Variants in SLC25A48 observed in about 807,000 individuals in gnomAD.
SLC25A48 encodes solute carrier family 25 member 48, also known as CTC-321K16.1.
SLC25A48 carries 29 observed loss-of-function variants against 32.2 expected under a neutral mutation model. The ratio of observed to expected loss-of-function variants is 0.90; its 90% CI spans 0.67 to 1.23. The LOEUF (loss-of-function observed/expected upper bound fraction) is 1.23, where lower values mean the gene tolerates loss of function less well. Ranked by LOEUF, SLC25A48 falls within the 50% of genes most tolerant of loss-of-function variation. SLC25A48 has a pLI of 0.00. For synonymous variants in SLC25A48, 164 were observed against 172.3 expected (o/e 0.95, Z 0.38); for missense variants, 399 against 422.7 (o/e 0.94, Z 0.49).
At chr5:135,650,476 A>G in intron 3 of SLC25A48, 2 of 455,894 alleles carry the variant, frequency 4.4e-6, no homozygotes, top group Non-Finnish European at 8.8e-6. Context: ...CGGGTTCATC[A>G]GGAGGGTGCT....
chr5:135,651,246 C>T (rs918687702), intron 3 of SLC25A48, among the ~76,000 whole-genome samples: 1 of 152,162 alleles, frequency 6.6e-6, no homozygotes, highest in Non-Finnish European at 1.5e-5. Context: ...ATGCCTTGCT[C>T]CTGCAGATGG....
intron 2 of SLC25A48, among the ~76,000 whole-genome samples, chr5:135,634,157 G>A (rs1287469772): frequency 2.6e-5 from 4 of 152,218 alleles, no homozygotes; most frequent in African/African-American, 9.6e-5. Context: ...ACTTGCCTAG[G>A]TGGTGTGGGG....
At chr5:135,786,172 C>T (rs1008203868) in intron 3 of SLC25A48, among the ~76,000 whole-genome samples, 2 of 146,032 alleles carry the variant, frequency 1.4e-5, no homozygotes, top group African/African-American at 2.5e-5. Context: ...AGTGGGGAGA[C>T]GGTACTATTA....
chr5:135,770,967 T>C (rs533954925), intron 3 of SLC25A48, among the ~76,000 whole-genome samples: 2 of 151,916 alleles, frequency 1.3e-5, no homozygotes, highest in Non-Finnish European at 2.9e-5. Flanking sequence ...CCCCCTGTTA[T>C]ATTGTTCCTA....
At chr5:135,727,613 T>C (rs112832830) in intron 3 of SLC25A48, among the ~76,000 whole-genome samples, 1 of 152,200 alleles carries the variant, frequency 6.6e-6, no homozygotes, top group African/African-American at 2.4e-5. Context: ...CAAGGGTTTT[T>C]TTGGCTCATA....
intron 3 of SLC25A48, among the ~76,000 whole-genome samples, chr5:135,742,771 G>A (rs1225404625): frequency 6.6e-6 from 1 of 152,060 alleles, no homozygotes. Flanking sequence ...TATCACACTT[G>A]AAAGTGCCTC....
chr5:135,607,561 T>C (rs1303545500), intron 1 of SLC25A48, among the ~76,000 whole-genome samples: 1 of 152,158 alleles, frequency 6.6e-6, no homozygotes, highest in Admixed American at 6.5e-5. Flanking sequence ...TGTGCTTCAA[T>C]CAGAAAAGTG....
intron 3 of SLC25A48, among the ~76,000 whole-genome samples, chr5:135,758,487 G>C (rs1440541083): frequency 2.7e-5 from 4 of 150,598 alleles, no homozygotes; most frequent in Non-Finnish European, 5.9e-5. Flanking sequence ...ACTATCTCTA[G>C]TGTTAACACA....
rs2126834391 is a variant in SLC25A48, at chr5:135,880,112, A to G, written c.*7+15A>G. 3 of 1,523,072 alleles carry G rather than the reference A, an allele frequency of 2.0e-6. No individual in the cohort carries two copies. The highest frequency in any genetic ancestry group is 2.6e-6 in the Non-Finnish European group (3 of 1,141,918). The allele number at this position is 1,523,072 out of a possible 1,614,324, so 94.3% of individuals were successfully genotyped here. A position where few individuals can be genotyped will look rare whatever the true frequency, so the allele number is the denominator to read the frequency against. On this transcript the variant is annotated intron_variant, in intron 7 of 7. Coordinates refer to ENST00000681962, the MANE Select transcript of SLC25A48 (RefSeq NM_001349336.2). ...ATAAGCGCCAGGTCAGTGTGCTTCCATCCTGGCCAATTGTGCCTCCCAGGA... is the reference window on the plus strand; with the variant it reads ...ATAAGCGCCAGGTCAGTGTGCTTCCGTCCTGGCCAATTGTGCCTCCCAGGA...
At chr5:135,855,041 C>G (rs1168516082) in intron 4 of SLC25A48, among the ~76,000 whole-genome samples, 1 of 152,184 alleles carries the variant, frequency 6.6e-6, no homozygotes, top group African/African-American at 2.4e-5. Context: ...GCAGTCAGAG[C>G]AACCATGATT....
At chr5:135,814,299 C>T (rs1275485241) in intron 4 of SLC25A48, among the ~76,000 whole-genome samples, 1 of 152,228 alleles carries the variant, frequency 6.6e-6, no homozygotes, top group African/African-American at 2.4e-5. Context: ...AGTTTGGTCA[C>T]AGTCCAGCCC....
rs869088370 is a variant in SLC25A48, at chr5:135,630,588, C to CTTTTTTT, written c.-709+1239_-709+1245dup. On this transcript the variant is annotated intron_variant, in intron 2 of 10. Transcript: ENST00000646290. ...AGGGGAAGATGGTTAGGCTGGGCAC[C>CTTTTTTT]TTTTTTTTTTTTTTTTTTTTTTTTT... is the stretch of plus-strand genomic sequence containing the variant. Among the ~76,000 whole-genome samples the CTTTTTTT allele has an allele frequency of 2.8e-3, 165 of 58,946 alleles. 23 individuals carry two copies. The highest frequency in any genetic ancestry group is 5.9e-3 in the African/African-American group (96 of 16,382). The allele number at this position is 58,946 out of a possible 152,430, so 38.7% of individuals were successfully genotyped here. A position where few individuals can be genotyped will look rare whatever the true frequency, so the allele number is the denominator to read the frequency against.
intron 3 of SLC25A48, among the ~76,000 whole-genome samples, chr5:135,642,842 C>T (rs1752871712): frequency 6.6e-6 from 1 of 152,182 alleles, no homozygotes; most frequent in African/African-American, 2.4e-5. Flanking sequence ...TCAAATGTGG[C>T]TCCTGATGGG....
intron 7 of SLC25A48, among the ~76,000 whole-genome samples, chr5:135,884,679 T>A (rs879367264): frequency 3.9e-5 from 6 of 152,174 alleles, no homozygotes; most frequent in Non-Finnish European, 7.3e-5. Context: ...GGTTCATCCC[T>A]GGGTAGACCT....
At chr5:135,753,220 T>C (rs1042575313) in intron 3 of SLC25A48, among the ~76,000 whole-genome samples, 1 of 152,042 alleles carries the variant, frequency 6.6e-6, no homozygotes, top group Admixed American at 6.6e-5. Context: ...ACACCCACTG[T>C]GATATTACCA....
rs114898315 is a variant in SLC25A48, at chr5:135,599,040, G to A, written c.-849+19443G>A. On this transcript the variant is annotated intron_variant, in intron 1 of 10. Coordinates refer to the SLC25A48 transcript ENST00000646290. ...CGAGGTGTGTCTGACCTCCCTTCTC[G>A]TCATGGCCAGGAACTCACTATTTTA... 9.7e-3 allele frequency among the ~76,000 whole-genome samples: 1,479 copies of A among 152,110 alleles called. 26 individuals carry two copies. The highest frequency in any genetic ancestry group is 0.034 in the African/African-American group (1,415 of 41,520).
chr5:135,846,261 C>T lies in SLC25A48; in HGVS notation c.90+3802C>T, dbSNP rs552005359. 3.3e-5 allele frequency among the ~76,000 whole-genome samples: 5 copies of T among 152,326 alleles called. 1 individual carries two copies. Among genetic ancestry groups the T allele is most frequent in the Admixed American group, 3.3e-4 (5 of 15,308 alleles). On this transcript the variant is annotated intron_variant, in intron 2 of 7. Coordinates refer to ENST00000681962, the MANE Select transcript of SLC25A48 (RefSeq NM_001349336.2). Reference sequence around the variant, plus strand: ...AAAATTGTCTTCCACAAAACTGGTTCCTGGCGCCAAAAATGTTGGGGATCA... The same window carrying T: ...AAAATTGTCTTCCACAAAACTGGTTTCTGGCGCCAAAAATGTTGGGGATCA...
intron 7 of SLC25A48, among the ~76,000 whole-genome samples, chr5:135,885,913 CAT>C (rs1465458927): frequency 6.6e-6 from 1 of 152,054 alleles, no homozygotes; most frequent in Non-Finnish European, 1.5e-5. Context: ...GGCAGAATAA[CAT>C]ATATGATGTT....
chr5:135,680,285 T>C (rs921315301), intron 3 of SLC25A48, among the ~76,000 whole-genome samples: 3 of 152,330 alleles, frequency 2.0e-5, no homozygotes, highest in Admixed American at 6.5e-5. Flanking sequence ...TGAAATCAGA[T>C]GGTATATGTT....
Sources: allele counts gnomAD v4.1 joint callset (sites outside exome capture counted in the v4.1 genomes callset), GRCh38; gene constraint gnomAD v4.1.1; transcripts MANE v1.5; gene names NCBI Gene and HGNC (gene_info 2026-07-23, HGNC 2026-07-21).